ARHGAP42: variants seen among roughly 807,000 people sequenced by gnomAD.
The protein encoded by ARHGAP42 is Rho GTPase activating protein 42, also known as rho GTPase-activating protein 42.
A neutral mutation model predicts 125.0 loss-of-function variants in ARHGAP42; 63 were observed. The ratio of observed to expected loss-of-function variants is 0.50; its 90% confidence interval spans 0.41 to 0.62. The LOEUF (loss-of-function observed/expected upper bound fraction) is 0.62. Among genes scored for constraint, ARHGAP42 ranks in the 20% least tolerant of loss-of-function variants. The pLI is 0.00. For missense variants in ARHGAP42, 766 were observed against 1,024.2 expected (o/e 0.75, Z 3.44); for synonymous variants, 339 against 351.0 (o/e 0.97, Z 0.38).
At chr11:100,981,269 G>A (rs1858538613) in intron 22 of ARHGAP42, among the ~76,000 whole-genome samples, 1 of 152,150 alleles carries the variant, frequency 6.6e-6, no homozygotes, top group Non-Finnish European at 1.5e-5. Context: ...CATAATTATT[G>A]TTGAAACTGC....
chr11:100,762,688 A>G (rs143963627), intron 1 of ARHGAP42, among the ~76,000 whole-genome samples: 10 of 152,228 alleles, frequency 6.6e-5, no homozygotes, highest in South Asian at 2.1e-4. Context: ...TTTACTGGCA[A>G]ATTTTCATTG....
At position 100,714,938 on chromosome 11, in the gene ARHGAP42, C is replaced by T. The variant is rs142853672; in HGVS notation, c.154+27106C>T. ...TGGTGCACACCTGTAGACACAACTACTCAGGAGCCTGAGGTGGGAGGATCA... is the reference window on the plus strand; with the variant it reads ...TGGTGCACACCTGTAGACACAACTATTCAGGAGCCTGAGGTGGGAGGATCA... On this transcript the variant is annotated intron_variant, in intron 1 of 23. Coordinates refer to ENST00000298815, the MANE Select transcript of ARHGAP42 (RefSeq NM_152432.4). 1.1e-4 allele frequency among the ~76,000 whole-genome samples: 16 copies of T among 151,124 alleles called. No individual in the cohort carries two copies. In the East Asian group the frequency reaches 3.1e-3, roughly 30 times the overall value.
chr11:100,919,872 A>T (rs1444192846), intron 5 of ARHGAP42, among the ~76,000 whole-genome samples: 1 of 152,108 alleles, frequency 6.6e-6, no homozygotes. Context: ...TGTGATGTTG[A>T]GTTTGTGTTT....
rs11224502 is a variant in ARHGAP42, at chr11:100,882,593, A to G, written c.384+22968A>G. 3.9e-4 allele frequency among the ~76,000 whole-genome samples: 58 copies of G among 149,830 alleles called. 2 individuals carry two copies. In the East Asian group the frequency reaches 7.9e-3, roughly 20 times the overall value. On this transcript the variant is annotated intron_variant, in intron 4 of 23. Transcript: ENST00000298815. ...GGTTTTTTCCTTTCCTGGTTTTGGT[A>G]TTAGGGTGGTACTGGCCTCATAGAA...
rs757624980 is a variant in ARHGAP42 at position 100,992,329 on chromosome 11, A to G, written c.*3528A>G. 6 of 1,609,196 alleles carry G rather than the reference A, an allele frequency of 3.7e-6. No individual in the cohort carries two copies. In the African/African-American group the frequency reaches 8.0e-5, roughly 22 times the overall value. On this transcript the variant is annotated 3_prime_UTR_variant, in exon 24 of 24. Coordinates refer to ENST00000298815, the MANE Select transcript of ARHGAP42 (RefSeq NM_152432.4). ...TTAGCATGACCTCACATCACTGCGTAGGACCCGGAAATCACATCTCCTGGT... is the reference window on the plus strand; with the variant it reads ...TTAGCATGACCTCACATCACTGCGTGGGACCCGGAAATCACATCTCCTGGT...
chr11:100,786,774 C>G (rs2407752), intron 2 of ARHGAP42, among the ~76,000 whole-genome samples: 27,193 of 152,078 alleles, frequency 0.18, 2,434 homozygotes, highest in Middle Eastern at 0.23. Flanking sequence ...TAGTAGCAGC[C>G]ACTTTCTCTT....
At chr11:100,874,221 T>A (rs1325501163) in intron 4 of ARHGAP42, among the ~76,000 whole-genome samples, 1 of 152,136 alleles carries the variant, frequency 6.6e-6, no homozygotes, top group Non-Finnish European at 1.5e-5. Flanking sequence ...CAACCTGCTA[T>A]TGTGGGAAGT....
intron 4 of ARHGAP42, among the ~76,000 whole-genome samples, chr11:100,903,752 A>ATATATG (rs1555021293): frequency 5.6e-5 from 7 of 125,632 alleles, no homozygotes; most frequent in African/African-American, 9.1e-5. Flanking sequence ...ATATATATAT[A>ATATATG]TATGTATGTA....
intron 22 of ARHGAP42, chr11:100,986,390 G>T: frequency 3.6e-6 from 1 of 275,454 alleles, no homozygotes; most frequent in South Asian, 3.6e-5. Context: ...GAAAGAAAGA[G>T]GGCCATTGTG....
At chr11:100,954,954 T>C (rs1279550302) in intron 12 of ARHGAP42, among the ~76,000 whole-genome samples, 2 of 152,194 alleles carry the variant, frequency 1.3e-5, no homozygotes, top group Non-Finnish European at 2.9e-5. Flanking sequence ...CAAAGTGAAT[T>C]AAAAATTAAA....
chr11:100,909,074 G>A (rs1346182780), intron 4 of ARHGAP42, among the ~76,000 whole-genome samples: 1 of 152,008 alleles, frequency 6.6e-6, no homozygotes, highest in African/African-American at 2.4e-5. Context: ...CTTTTTAATA[G>A]GGTTATTTGT....
At chr11:100,773,247 A>G (rs535512677) in intron 2 of ARHGAP42, among the ~76,000 whole-genome samples, 5 of 152,360 alleles carry the variant, frequency 3.3e-5, no homozygotes, top group African/African-American at 1.2e-4. Flanking sequence ...GTAGACCCTC[A>G]GATAAATTGT....
chr11:100,770,946 G>A (rs1158999644), intron 2 of ARHGAP42, among the ~76,000 whole-genome samples: 1 of 152,142 alleles, frequency 6.6e-6, no homozygotes, highest in African/African-American at 2.4e-5. Flanking sequence ...TTTCCATAAG[G>A]AAATGACTTA....
intron 3 of ARHGAP42, among the ~76,000 whole-genome samples, chr11:100,803,598 G>A (rs1243773487): frequency 2.6e-5 from 4 of 152,150 alleles, no homozygotes; most frequent in African/African-American, 4.8e-5. Context: ...GTAGAGATGT[G>A]GGACCATAAC....
chr11:100,699,742 C>T (rs902599396), intron 1 of ARHGAP42, among the ~76,000 whole-genome samples: 1 of 151,716 alleles, frequency 6.6e-6, no homozygotes, highest in Non-Finnish European at 1.5e-5. Flanking sequence ...AGGCTGGTCT[C>T]TAACTCCGGA....
intron 4 of ARHGAP42, among the ~76,000 whole-genome samples, chr11:100,910,280 C>G (rs538170579): frequency 1.3e-3 from 195 of 152,242 alleles, no homozygotes; most frequent in African/African-American, 3.9e-3. Context: ...AACTATGATA[C>G]TAAAAACAGT....
intron 2 of ARHGAP42, among the ~76,000 whole-genome samples, chr11:100,778,034 C>T (rs1863172011): frequency 6.6e-6 from 1 of 152,122 alleles, no homozygotes; most frequent in South Asian, 2.1e-4. Context: ...TTTAGCCAGG[C>T]ATGGTGGCAT....
At position 100,936,316 on chromosome 11, in the gene ARHGAP42, G is replaced by A; in HGVS notation, c.816G>A (p.Leu272=). Residue 272 remains leucine (L), a synonymous_variant, in exon 8 of 24, where the codon CTG becomes CTA. Coordinates refer to ENST00000298815, the MANE Select transcript of ARHGAP42 (RefSeq NM_152432.4). Reference sequence around the variant, plus strand: ...GCCAGTGGACGATGGAAGGCTATCTGTATGTCCAGGAGAAACGTGAGTCAC... The same window carrying A: ...GCCAGTGGACGATGGAAGGCTATCTATATGTCCAGGAGAAACGTGAGTCAC... The part of the protein sequence containing the change: ...PPSQWTMEGY[L]YVQEKRPLGF... 6.4e-7 allele frequency: 1 copy of A among 1,551,580 alleles called. No individual in the cohort carries two copies. The highest frequency in any genetic ancestry group is 8.7e-7 in the Non-Finnish European group (1 of 1,146,882).
chr11:100,964,132 C>G (rs1202984569), intron 16 of ARHGAP42, among the ~76,000 whole-genome samples: 2 of 151,992 alleles, frequency 1.3e-5, no homozygotes. Context: ...TATTTGGTTT[C>G]AAGCAGCAAA....
Sources: allele counts gnomAD v4.1 joint callset (sites outside exome capture counted in the v4.1 genomes callset), GRCh38; gene constraint gnomAD v4.1.1; transcripts MANE v1.5; gene names NCBI Gene and HGNC (gene_info 2026-07-23, HGNC 2026-07-21).